The following PLXDC2 variants were observed in gnomAD, a reference collection of about 807,000 sequenced individuals.
PLXDC2 encodes plexin domain containing 2, also known as plexin domain-containing protein 2.
A neutral mutation model predicts 68.9 loss-of-function variants in PLXDC2; 40 were observed. That is an observed-to-expected ratio of 0.58 (90% CI 0.45 to 0.76). The LOEUF is 0.76. PLXDC2 is among the 30% of genes least tolerant of loss of function. The pLI is 0.00. For missense variants in PLXDC2, 644 were observed against 661.9 expected (o/e 0.97, Z 0.30); for synonymous variants, 243 against 234.2 (o/e 1.04, Z -0.34).
intron 4 of PLXDC2, among the ~76,000 whole-genome samples, chr10:20,078,486 G>A (rs7901827): frequency 0.4 from 60,663 of 152,054 alleles, 14,570 homozygotes; most frequent in East Asian, 0.7. Flanking sequence ...GGAACATTAG[G>A]TATGTAAAAA....
Position 20,289,405 on chromosome 10 carries a change from T to C in PLXDC2, c.*9586T>C, listed in dbSNP as rs1396967646. ...GCTGGAATAAGTCAAGGTACTTCAG[T>C]TCAGCTCTTGCCTCTGTCACTAATC... On this transcript the variant is annotated 3_prime_UTR_variant, in exon 14 of 14. Transcript: ENST00000377252. The C allele has an allele frequency of 6.6e-6, 1 of 152,230 alleles. No homozygotes were observed. Among genetic ancestry groups the C allele is most frequent in the Non-Finnish European group, 1.5e-5 (1 of 68,040 alleles). The allele number at this position is 152,230 out of a possible 1,614,324, so 9.4% of individuals were successfully genotyped here.
intron 4 of PLXDC2, among the ~76,000 whole-genome samples, chr10:20,088,051 T>C (rs1397254651): frequency 6.6e-6 from 1 of 152,178 alleles, no homozygotes; most frequent in Non-Finnish European, 1.5e-5. Flanking sequence ...TAATCATTAT[T>C]CTTTTTTTTT....
At chr10:19,857,495 A>G (rs1589503735) in intron 1 of PLXDC2, among the ~76,000 whole-genome samples, 1 of 152,342 alleles carries the variant, frequency 6.6e-6, no homozygotes, top group Non-Finnish European at 1.5e-5. Context: ...ATATACTTAA[A>G]TATTCTTCTC....
intron 9 of PLXDC2, among the ~76,000 whole-genome samples, chr10:20,186,462 A>G (rs975205578): frequency 6.6e-6 from 1 of 151,826 alleles, no homozygotes; most frequent in African/African-American, 2.4e-5. Context: ...GGCTTGTTAT[A>G]TAGGTAAACT....
chr10:20,247,617 ACT>A (rs1478834476), intron 13 of PLXDC2, among the ~76,000 whole-genome samples: 2 of 151,930 alleles, frequency 1.3e-5, no homozygotes, highest in Non-Finnish European at 2.9e-5. Context: ...CTCTTCTGAA[ACT>A]CTATCTGCAG....
At chr10:20,207,742 A>C (rs1835012077) in intron 9 of PLXDC2, among the ~76,000 whole-genome samples, 1 of 152,144 alleles carries the variant, frequency 6.6e-6, no homozygotes, top group Non-Finnish European at 1.5e-5. Context: ...GCCTTGACCA[A>C]CTGGGGATTC....
intron 12 of PLXDC2, among the ~76,000 whole-genome samples, chr10:20,239,928 A>G (rs77467645): frequency 0.015 from 2,317 of 152,246 alleles, 52 homozygotes; most frequent in African/African-American, 0.051. Context: ...TGAGGTGACT[A>G]TGTTTTTTAA....
In PLXDC2 at chr10:19,847,038, C is replaced by T. The variant is rs187222635; in HGVS notation, c.112+29847C>T. Among the ~76,000 whole-genome samples, 315 of 152,128 alleles carry T rather than the reference C, an allele frequency of 2.1e-3. 1 individual carries two copies. The highest frequency in any genetic ancestry group is 3.7e-3 in the Non-Finnish European group (250 of 67,998). Reference sequence around the variant, plus strand: ...GTCAGAGAACAGCATGGGAAAAACTCGCCCCCATGCTTCAGTTACCTCCCC... The same window carrying T: ...GTCAGAGAACAGCATGGGAAAAACTTGCCCCCATGCTTCAGTTACCTCCCC... On this transcript the variant is annotated intron_variant, in intron 1 of 13. Transcript: ENST00000377252.
chr10:20,039,960 T>C (rs934088163), intron 2 of PLXDC2, among the ~76,000 whole-genome samples: 1 of 152,118 alleles, frequency 6.6e-6, no homozygotes, highest in African/African-American at 2.4e-5. Context: ...GAAATAAAAA[T>C]AAAATTCTAA....
At chr10:20,149,526 A>G (rs1834124981) in intron 6 of PLXDC2, among the ~76,000 whole-genome samples, 1 of 151,996 alleles carries the variant, frequency 6.6e-6, no homozygotes, top group East Asian at 1.9e-4. Flanking sequence ...GGCGTGAGCC[A>G]CTGCGCCCGG....
chr10:20,070,684 A>G (rs1836301178), intron 4 of PLXDC2: 1 of 152,202 alleles, frequency 6.6e-6, no homozygotes, highest in Non-Finnish European at 1.5e-5. Flanking sequence ...AAATACCGAC[A>G]TTAGGCATGT....
At chr10:19,828,120 T>C (rs990365509) in intron 1 of PLXDC2, among the ~76,000 whole-genome samples, 1 of 152,188 alleles carries the variant, frequency 6.6e-6, no homozygotes, top group South Asian at 2.1e-4. Flanking sequence ...ATGGACATGA[T>C]GATATTTTCG....
chr10:20,004,688 T>G (rs1834997840), intron 2 of PLXDC2, among the ~76,000 whole-genome samples: 1 of 152,170 alleles, frequency 6.6e-6, no homozygotes, highest in Non-Finnish European at 1.5e-5. Flanking sequence ...CTCTGTAATC[T>G]CTCCTGTGGG....
intron 1 of PLXDC2, among the ~76,000 whole-genome samples, chr10:19,934,616 T>C (rs1257283854): frequency 6.6e-6 from 1 of 152,230 alleles, no homozygotes; most frequent in Non-Finnish European, 1.5e-5. Flanking sequence ...TATAATTTGC[T>C]GAGGTGTTTT....
intron 13 of PLXDC2, among the ~76,000 whole-genome samples, chr10:20,264,107 A>C (rs975848726): frequency 3.0e-5 from 3 of 101,448 alleles, no homozygotes; most frequent in Non-Finnish European, 4.3e-5. Context: ...AATGTGGTAC[A>C]TGTGCACCAT....
chr10:20,122,402 G>C (rs980199653), intron 4 of PLXDC2, among the ~76,000 whole-genome samples: 1 of 152,168 alleles, frequency 6.6e-6, no homozygotes, highest in South Asian at 2.1e-4. Flanking sequence ...GGGGGCTTTC[G>C]AGGCGATTGG....
intron 12 of PLXDC2, among the ~76,000 whole-genome samples, chr10:20,227,686 C>G (rs1332676817): frequency 6.6e-6 from 1 of 152,048 alleles, no homozygotes; most frequent in East Asian, 1.9e-4. Flanking sequence ...GAACTTTAAC[C>G]TAGAGATCTT....
At chr10:20,044,135 CCTCT>C (rs1416289903) in intron 2 of PLXDC2, among the ~76,000 whole-genome samples, 4 of 141,252 alleles carry the variant, frequency 2.8e-5, no homozygotes, top group Non-Finnish European at 6.2e-5. Flanking sequence ...TCCCTCCCTC[CCTCT>C]CTCTCTTTTT....
At chr10:19,841,560 T>C (rs1365722831) in intron 1 of PLXDC2, among the ~76,000 whole-genome samples, 1 of 149,936 alleles carries the variant, frequency 6.7e-6, no homozygotes, top group Non-Finnish European at 1.5e-5. Flanking sequence ...TTTTTTTAAG[T>C]GTTGCCTATC....
Sources: gnomAD v4.1 joint callset for allele counts (sites outside exome capture counted in the v4.1 genomes callset) on GRCh38, gnomAD v4.1.1 for gene constraint, MANE v1.5 for transcripts, NCBI Gene and HGNC (gene_info 2026-07-23, HGNC 2026-07-21) for gene names.